Variants in OLFM3 observed in about 807,000 individuals in gnomAD.
The protein encoded by OLFM3 is noelin-3.
OLFM3 carries 20 observed loss-of-function variants against 48.6 expected under a neutral mutation model. The observed-to-expected ratio is 0.41, with a 90% CI of 0.29 to 0.60. OLFM3 has a LOEUF of 0.60. Ranked by LOEUF, OLFM3 falls within the 20% of genes least tolerant of loss-of-function variation. OLFM3 has a pLI of 0.28. For missense variants in OLFM3, 437 were observed against 544.3 expected (o/e 0.80, Z 1.96); for synonymous variants, 222 against 198.1 (o/e 1.12, Z -1.01).
chr1:101,885,070 G>A (rs951302316), intron 1 of OLFM3, among the ~76,000 whole-genome samples: 3 of 151,976 alleles, frequency 2.0e-5, no homozygotes, highest in African/African-American at 7.2e-5. Flanking sequence ...GAAAGCCACG[G>A]AAGCCATCAG....
At chr1:101,971,715 G>A (rs945725) in intron 1 of OLFM3, among the ~76,000 whole-genome samples, 37,721 of 152,030 alleles carry the variant, frequency 0.25, 5,247 homozygotes, top group Middle Eastern at 0.36. Context: ...TATAGTTCAA[G>A]AACAAGAGAT....
chr1:101,967,231 G>A (rs1054419142), intron 1 of OLFM3, among the ~76,000 whole-genome samples: 8 of 151,644 alleles, frequency 5.3e-5, no homozygotes, highest in African/African-American at 1.7e-4. Flanking sequence ...GTCCAACTGC[G>A]TACTCATGTC....
chr1:101,821,183 G>C (rs1654591307), intron 4 of OLFM3, among the ~76,000 whole-genome samples: 1 of 152,042 alleles, frequency 6.6e-6, no homozygotes, highest in Admixed American at 6.6e-5. Context: ...TAGCCTTGGA[G>C]TTCAAGGGTT....
At chr1:101,943,747 T>C (rs1320066908) in intron 1 of OLFM3, among the ~76,000 whole-genome samples, 1 of 152,192 alleles carries the variant, frequency 6.6e-6, no homozygotes, top group East Asian at 1.9e-4. Flanking sequence ...ATATTTATAG[T>C]TCACCTATTA....
rs111966367 is a variant in OLFM3, at chr1:101,861,070, A to AT, written c.70-24046dup. On this transcript the variant is annotated intron_variant, in intron 1 of 5. Coordinates refer to ENST00000370103, the MANE Select transcript of OLFM3 (RefSeq NM_058170.4). ...AAATGAAATAGTTTGATTTGATTATATTTTTTTTTGAGACAAATTCTTGCT... is the reference window on the plus strand; with the variant it reads ...AAATGAAATAGTTTGATTTGATTATATTTTTTTTTTGAGACAAATTCTTGCT... Among the ~76,000 whole-genome samples, 1,002 of 151,446 alleles carry AT rather than the reference A, an allele frequency of 6.6e-3. 7 individuals are homozygous for AT. Among genetic ancestry groups the AT allele is most frequent in the Middle Eastern group, 0.017 (5 of 294 alleles).
intron 1 of OLFM3, among the ~76,000 whole-genome samples, chr1:101,853,549 C>G (rs1292937521): frequency 1.3e-5 from 2 of 152,040 alleles, no homozygotes; most frequent in African/African-American, 4.8e-5. Context: ...TTCCTGGTTT[C>G]TTTACTGGGG....
At chr1:101,895,997 ATAATAAT>A (rs899168487) in intron 1 of OLFM3, among the ~76,000 whole-genome samples, 40 of 150,198 alleles carry the variant, frequency 2.7e-4, no homozygotes, top group African/African-American at 9.8e-4. Flanking sequence ...AATAATAATA[ATAATAAT>A]AAAAGTATGC....
chr1:101,934,248 C>T (rs967770865), intron 1 of OLFM3, among the ~76,000 whole-genome samples: 1 of 152,016 alleles, frequency 6.6e-6, no homozygotes, highest in Non-Finnish European at 1.5e-5. Context: ...TACTCACAGC[C>T]TCAAATAAAG....
Position 101,836,887 on chromosome 1 carries a change from G to A in OLFM3, c.208C>T (p.Leu70=). 6.2e-7 allele frequency: 1 copy of A among 1,614,076 alleles called. No homozygotes were observed. Among genetic ancestry groups the A allele is most frequent in the Non-Finnish European group, 8.5e-7 (1 of 1,179,986 alleles). The change falls in exon 2 of 6, where the codon CTG becomes TTG. Residue 70 remains leucine (L), a synonymous_variant. Coordinates refer to ENST00000370103, the MANE Select transcript of OLFM3 (RefSeq NM_058170.4). ...DAKSRQLRQL[L]EKVQNMSQSI... is the part of the protein sequence containing the mutation. ...GGACACAGGACACCTACCTTTTCCA[G>A]TAGTTGGCGAAGTTGCCTGCTTTTG...
At chr1:101,950,543 ATTCTCC>A (rs1660112482) in intron 1 of OLFM3, among the ~76,000 whole-genome samples, 1 of 149,372 alleles carries the variant, frequency 6.7e-6, no homozygotes, top group South Asian at 2.1e-4. Flanking sequence ...GGTTCACGCC[ATTCTCC>A]TGCCTCAGCC....
intron 1 of OLFM3, chr1:101,910,263 G>A: frequency 3.6e-6 from 1 of 274,894 alleles, no homozygotes; most frequent in Non-Finnish European, 5.5e-6. Context: ...TCAGGAGATC[G>A]AGACCATTCT....
intron 1 of OLFM3, among the ~76,000 whole-genome samples, chr1:101,890,010 A>G (rs1194637679): frequency 1.3e-5 from 2 of 152,092 alleles, no homozygotes; most frequent in African/African-American, 4.8e-5. Flanking sequence ...ATTCAGCCAC[A>G]GGGAACTGAT....
At chr1:101,861,128 C>A (rs553060871) in intron 1 of OLFM3, among the ~76,000 whole-genome samples, 1 of 152,090 alleles carries the variant, frequency 6.6e-6, no homozygotes, top group East Asian at 1.9e-4. Flanking sequence ...GTGGTGCGAT[C>A]TCGGCTCACT....
At chr1:101,847,090 C>T in intron 1 of OLFM3, 3 of 1,386,836 alleles carry the variant, frequency 2.2e-6, no homozygotes, top group African/African-American at 1.4e-5. Flanking sequence ...TCAACTTCCC[C>T]AGCTCTAATC....
At chr1:101,922,630 C>T (rs761020874) in intron 1 of OLFM3, among the ~76,000 whole-genome samples, 39 of 152,088 alleles carry the variant, frequency 2.6e-4, no homozygotes, top group Admixed American at 4.6e-4. Flanking sequence ...CCTATGAATA[C>T]CCGTCAGAAA....
At chr1:101,806,349 C>A (rs147933903) in intron 4 of OLFM3, among the ~76,000 whole-genome samples, 167 bp from the exon 5 acceptor site, 1 of 151,836 alleles carries the variant, frequency 6.6e-6, no homozygotes, top group African/African-American at 2.4e-5. Flanking sequence ...GGCCTTTAAC[C>A]AAACATTGAA....
At chr1:101,813,548 G>A (rs561903379) in intron 4 of OLFM3, among the ~76,000 whole-genome samples, 1 of 152,132 alleles carries the variant, frequency 6.6e-6, no homozygotes, top group Non-Finnish European at 1.5e-5. Context: ...CTGTCTGTAC[G>A]ATGGAAACTT....
At chr1:101,865,049 A>C (rs1354945239) in intron 1 of OLFM3, among the ~76,000 whole-genome samples, 1 of 152,096 alleles carries the variant, frequency 6.6e-6, no homozygotes, top group Non-Finnish European at 1.5e-5. Context: ...CTTGGCTTCA[A>C]TTTCTTGGCT....
At chr1:101,836,198 C>T (rs1655392688) in intron 2 of OLFM3, among the ~76,000 whole-genome samples, 1 of 152,140 alleles carries the variant, frequency 6.6e-6, no homozygotes, top group Non-Finnish European at 1.5e-5. Flanking sequence ...CATTTAGAGC[C>T]CAGCACAGTG....
Sources: gnomAD v4.1 joint callset for allele counts (sites outside exome capture counted in the v4.1 genomes callset) on GRCh38, gnomAD v4.1.1 for gene constraint, MANE v1.5 for transcripts, NCBI Gene and HGNC (gene_info 2026-07-23, HGNC 2026-07-21) for gene names.